The following PGM5 variants were observed in gnomAD, a reference collection of about 807,000 sequenced individuals.
The protein encoded by PGM5 is phosphoglucomutase 5.
In PGM5, 23 loss-of-function variants were observed where a neutral mutation model predicts 59.2. The observed-to-expected ratio is 0.39, with a 90% CI of 0.28 to 0.55. The LOEUF (loss-of-function observed/expected upper bound fraction) is 0.55, where lower values mean the gene tolerates loss of function less well. Ranked by LOEUF, PGM5 falls within the 20% of genes least tolerant of loss-of-function variation. The pLI, the probability that PGM5 is intolerant of heterozygous loss-of-function variation, is 0.66. For synonymous variants in PGM5, 214 were observed against 286.0 expected (o/e 0.75, Z 2.54); for missense variants, 574 against 748.3 (o/e 0.77, Z 2.72).
intron 9 of PGM5, among the ~76,000 whole-genome samples, chr9:68,484,577 CAA>C (rs59632919): frequency 5.4e-5 from 6 of 111,310 alleles, no homozygotes; most frequent in East Asian, 2.8e-4. Context: ...CACACACACA[CAA>C]AACAAAACAA....
In PGM5 at chr9:68,450,504, G is replaced by A. The variant is rs1823678057; in HGVS notation, c.1044-14589G>A. Among the ~76,000 whole-genome samples, 3 of 152,304 alleles carry A rather than the reference G, an allele frequency of 2.0e-5. 1 individual carries two copies. Among genetic ancestry groups the A allele is most frequent in the South Asian group, 4.1e-4 (2 of 4,834 alleles). On this transcript the variant is annotated intron_variant, in intron 6 of 10. Transcript: ENST00000396396. The stretch of plus-strand genomic sequence containing the variant: ...TTTTACAGCTTGCCAAAAAGAGGGG[G>A]AAACACTGTCCAAGCTTGTTTGCTA...
intron 6 of PGM5, among the ~76,000 whole-genome samples, chr9:68,461,334 C>T (rs1823855890): frequency 6.6e-6 from 1 of 152,154 alleles, no homozygotes; most frequent in Admixed American, 6.5e-5. Flanking sequence ...TTGGCTAGAA[C>T]TCAGTCACAT....
chr9:68,441,670 C>A (rs1206728849), intron 6 of PGM5, among the ~76,000 whole-genome samples: 1 of 152,088 alleles, frequency 6.6e-6, no homozygotes, highest in Non-Finnish European at 1.5e-5. Flanking sequence ...GACTGAACAC[C>A]TTTCCCCTAA....
chr9:68,399,960 A>G (rs1822624164), intron 6 of PGM5, among the ~76,000 whole-genome samples: 1 of 152,068 alleles, frequency 6.6e-6, no homozygotes, highest in Admixed American at 6.6e-5. Flanking sequence ...CAGATGTACC[A>G]CTAATCACTG....
chr9:68,450,246 AAAAAATAAAAAC>A (rs1823674559), intron 6 of PGM5, among the ~76,000 whole-genome samples: 1 of 151,762 alleles, frequency 6.6e-6, no homozygotes. Flanking sequence ...CTCTAGAAAT[AAAAAATAAAAAC>A]AAAAACAAAA....
At position 68,447,150 on chromosome 9, in the gene PGM5, TGCCAA is replaced by T. The variant is rs542360170; in HGVS notation, c.1044-17939_1044-17935del. ...AGCATAAATCATAAGGGGTTGCTGG[TGCCAA>T]GCCGGAGGGAGGGACATGTCTGAGG... On this transcript the variant is annotated intron_variant, in intron 6 of 10. Coordinates refer to ENST00000396396, the MANE Select transcript of PGM5 (RefSeq NM_021965.4). Among the ~76,000 whole-genome samples, 375 of 152,316 alleles carry T rather than the reference TGCCAA, an allele frequency of 2.5e-3. 2 individuals are homozygous for T. Among genetic ancestry groups the T allele is most frequent in the African/African-American group, 8.6e-3 (357 of 41,574 alleles).
chr9:68,507,517 G>A lies in PGM5; in HGVS notation c.1614+8156G>A, dbSNP rs970942267. 3.9e-5 allele frequency among the ~76,000 whole-genome samples: 6 copies of A among 152,128 alleles called. No homozygotes were observed. The East Asian group carries it at 5.8e-4, about 15-fold the overall frequency. ...AAATAATTTTAAAACAGGGGCAAGA[G>A]TAGAAAGTATTGAGCAGGATAATGT... On this transcript the variant is annotated intron_variant, in intron 10 of 10. Transcript: ENST00000396396.
At chr9:68,528,983 C>T (rs973486731) in intron 10 of PGM5, among the ~76,000 whole-genome samples, 6 of 152,136 alleles carry the variant, frequency 3.9e-5, no homozygotes, top group African/African-American at 4.8e-5. Context: ...GCTTCTAAAG[C>T]ATGCCCACCT....
chr9:68,381,920 G>A (rs548477926), intron 2 of PGM5, among the ~76,000 whole-genome samples: 35 of 152,010 alleles, frequency 2.3e-4, no homozygotes, highest in African/African-American at 7.9e-4. Context: ...ACTGATCATG[G>A]ATCAAAAACA....
chr9:68,496,862 T>A (rs1318073455), intron 9 of PGM5: 8 of 152,174 alleles, frequency 5.3e-5, no homozygotes, highest in Non-Finnish European at 1.2e-4. Flanking sequence ...TCAGAAGAGG[T>A]AATCCCAAGT....
intron 6 of PGM5, among the ~76,000 whole-genome samples, chr9:68,446,539 T>G (rs574632890): frequency 6.6e-6 from 1 of 152,366 alleles, no homozygotes; most frequent in South Asian, 2.1e-4. Flanking sequence ...TTCAGAAGCC[T>G]GATTGGTTGT....
At chr9:68,458,665 C>A (rs1823815013) in intron 6 of PGM5, among the ~76,000 whole-genome samples, 1 of 152,010 alleles carries the variant, frequency 6.6e-6, no homozygotes, top group Non-Finnish European at 1.5e-5. Flanking sequence ...GAAGTTTAGA[C>A]CAGGCTGAAA....
intron 10 of PGM5, among the ~76,000 whole-genome samples, chr9:68,504,129 C>G (rs544006342): frequency 2.0e-5 from 3 of 152,188 alleles, no homozygotes; most frequent in Non-Finnish European, 4.4e-5. Context: ...TTTTTAATAC[C>G]ATTCCACACA....
At chr9:68,405,474 AGT>A (rs1822780847) in intron 6 of PGM5, 1 of 152,338 alleles carries the variant, frequency 6.6e-6, no homozygotes, top group Non-Finnish European at 1.5e-5. Flanking sequence ...CCCTGCAAAT[AGT>A]CTGAGACTCA....
intron 8 of PGM5, among the ~76,000 whole-genome samples, chr9:68,481,014 G>T (rs1824189354): frequency 6.6e-6 from 1 of 152,218 alleles, no homozygotes; most frequent in Non-Finnish European, 1.5e-5. Context: ...TCCTTGGGTA[G>T]TCTCAGAGAC....
intron 6 of PGM5, among the ~76,000 whole-genome samples, chr9:68,410,255 A>C (rs1456450850): frequency 2.1e-5 from 3 of 144,392 alleles, no homozygotes; most frequent in African/African-American, 7.3e-5. Context: ...TGATGTGGCC[A>C]CACATAGCTC....
Position 68,455,984 on chromosome 9 carries a change from T to C in PGM5, c.1044-9109T>C, listed in dbSNP as rs148534841. On this transcript the variant is annotated intron_variant, in intron 6 of 10. Coordinates refer to ENST00000396396, the MANE Select transcript of PGM5 (RefSeq NM_021965.4). ...GCTGTTTGTCGCTGTAGAAATAAAC[T>C]ACAGCTTGTCTAGTGCCTTTCTGAT... is the stretch of plus-strand genomic sequence containing the variant. Among the ~76,000 whole-genome samples the C allele has an allele frequency of 3.9e-5, 6 of 152,378 alleles. No homozygotes were observed. The South Asian group carries it at 6.2e-4, about 16-fold the overall frequency.
At chr9:68,453,960 A>T (rs1233028956) in intron 6 of PGM5, among the ~76,000 whole-genome samples, 3 of 152,174 alleles carry the variant, frequency 2.0e-5, no homozygotes, top group African/African-American at 7.2e-5. Context: ...GAGGGGGTGG[A>T]TGAAGAGTGT....
At chr9:68,521,764 A>G (rs1050186645) in intron 10 of PGM5, among the ~76,000 whole-genome samples, 1 of 152,208 alleles carries the variant, frequency 6.6e-6, no homozygotes, top group South Asian at 2.1e-4. Flanking sequence ...CAGGGAAACC[A>G]TGGCCAGGGA....
Sources: allele counts gnomAD v4.1 joint callset (sites outside exome capture counted in the v4.1 genomes callset), GRCh38; gene constraint gnomAD v4.1.1; transcripts MANE v1.5; gene names NCBI Gene and HGNC (gene_info 2026-07-23, HGNC 2026-07-21).